KRT78: variants seen among roughly 807,000 people sequenced by gnomAD.
KRT78 encodes keratin, type II cytoskeletal 78.
In KRT78, 55 loss-of-function variants were observed where a neutral mutation model predicts 51.4. That is an observed-to-expected ratio of 1.07 (90% CI 0.86 to 1.34). The LOEUF (loss-of-function observed/expected upper bound fraction) is 1.34. Among genes scored for constraint, KRT78 ranks in the 40% most tolerant of loss-of-function variants. The probability of loss-of-function intolerance (pLI) is 0.00; values close to 1 mark genes in which losing one functional copy is unlikely to be tolerated. For synonymous variants in KRT78, 291 were observed against 264.3 expected, an observed-to-expected ratio of 1.10 and a Z score of -0.98; for missense variants, 652 against 649.4, an observed-to-expected ratio of 1.00 and a Z score of -0.04.
rs367893585 is a variant in KRT78 at position 52,848,738 on chromosome 12, G to A, written c.193C>T (p.Arg65Trp). ...GGCCCACCACTCCACTCCCCAAACC[G>A]CACCCCCAGCCTACCCCCTGACCCC... ...TWGSGGRLGV[R>W]FGEWSGGPGL... Residue 65 changes from arginine to tryptophan, a missense_variant, in exon 1 of 9, where the codon CGG becomes TGG. By Grantham distance (101) the Arg-to-Trp change is moderately radical. Coordinates refer to ENST00000304620, the MANE Select transcript of KRT78 (RefSeq NM_173352.4). The A allele has an allele frequency of 5.6e-5, 90 of 1,598,272 alleles. No individual in the cohort carries two copies. In the Middle Eastern group the frequency reaches 2.3e-3, roughly 41 times the overall value.
At chr12:52,847,278 G>A (rs1940664675) in intron 2 of KRT78, among the ~76,000 whole-genome samples, 1 of 152,108 alleles carries the variant, frequency 6.6e-6, no homozygotes, top group African/African-American at 2.4e-5. Context: ...AGGCCAGAAG[G>A]GCAGGTGACA....
chr12:52,847,690 A>G (rs1041528623), intron 2 of KRT78, among the ~76,000 whole-genome samples: 6 of 152,082 alleles, frequency 3.9e-5, no homozygotes, highest in African/African-American at 1.4e-4. Context: ...CTTTCCTCCA[A>G]GGTTCTCCAG....
intron 6 of KRT78, among the ~76,000 whole-genome samples, chr12:52,843,612 C>T (rs1940565676): frequency 6.7e-6 from 1 of 148,218 alleles, no homozygotes; most frequent in East Asian, 2.1e-4. Flanking sequence ...ATCCCTTGAA[C>T]CCGGAGGCAG....
chr12:52,845,062 C>T (rs563310698), intron 4 of KRT78, among the ~76,000 whole-genome samples: 1 of 151,018 alleles, frequency 6.6e-6, no homozygotes, highest in Non-Finnish European at 1.5e-5. Flanking sequence ...GTTGCCCAGG[C>T]TGGAGTGCAG....
At chr12:52,843,700 A>G (rs113397246) in intron 6 of KRT78, among the ~76,000 whole-genome samples, 76 of 148,988 alleles carry the variant, frequency 5.1e-4, no homozygotes, top group African/African-American at 1.3e-3. Context: ...AAAAAAAAAA[A>G]AAAAAGAAAA....
chr12:52,848,361 A>G (rs778431113), intron 1 of KRT78, 186 bp downstream of exon 1: 79 of 1,423,244 alleles, frequency 5.6e-5, no homozygotes, highest in Admixed American at 2.1e-4. Flanking sequence ...CTGAGCCCCA[A>G]TCATGGAACA....
intron 6 of KRT78, among the ~76,000 whole-genome samples, chr12:52,842,959 G>GAGAGAAAGGA (rs1299063277): frequency 3.7e-5 from 2 of 53,722 alleles, no homozygotes; most frequent in African/African-American, 1.2e-4. Context: ...GAGAGAGAGA[G>GAGAGAAAGGA]AGGAAGGAAG....
chr12:52,839,941 CCACG>C lies in KRT78; in HGVS notation c.1087_1090del (p.Arg363GlyfsTer19). On this transcript the variant is annotated frameshift_variant, in exon 7 of 9. Transcript: ENST00000304620. LOFTEE classifies it high-confidence loss of function. ...CTGAGCGTCCTTGAGGGCCAGCTCC[CCACG>C]CTGCTCAGCATCAGTGATGGCGGCC... The C allele has an allele frequency of 6.2e-7, 1 of 1,614,046 alleles. No homozygotes were observed. The highest frequency in any genetic ancestry group is 8.5e-7 in the Non-Finnish European group (1 of 1,179,980).
chr12:52,841,617 T>C (rs1184635268), intron 6 of KRT78, among the ~76,000 whole-genome samples: 1 of 152,186 alleles, frequency 6.6e-6, no homozygotes, highest in Non-Finnish European at 1.5e-5. Context: ...AGGAATTGTC[T>C]AAAGGCTGTT....
At position 52,848,083 on chromosome 12, in the gene KRT78, C is replaced by T. The variant is rs116002883; in HGVS notation, c.423G>A (p.Thr141=). Residue 141 remains threonine (T), a synonymous_variant, in exon 2 of 9, where the codon ACG becomes ACA. Coordinates refer to ENST00000304620, the MANE Select transcript of KRT78 (RefSeq NM_173352.4). ...CCTGTTGCTGCAGCAGATGCCACTTCGTCTCCAGGACCTTGTTCTGCTGCT... is the reference window on the plus strand; with the variant it reads ...CCTGTTGCTGCAGCAGATGCCACTTTGTCTCCAGGACCTTGTTCTGCTGCT... ...FLEQQNKVLE[T]KWHLLQQQGL... The T allele has an allele frequency of 1.3e-5, 21 of 1,614,164 alleles. No homozygotes were observed. In the African/African-American group the frequency reaches 1.9e-4, roughly 14 times the overall value.
intron 1 of KRT78, 193 bp from the exon 2 acceptor site, chr12:52,848,314 C>A (rs1409624816): frequency 1.3e-6 from 2 of 1,515,420 alleles, no homozygotes; most frequent in African/African-American, 1.4e-5. Flanking sequence ...ACTAATGGGG[C>A]AGGGCCTTCC....
intron 6 of KRT78, among the ~76,000 whole-genome samples, chr12:52,842,056 G>C (rs571295166): frequency 6.6e-6 from 1 of 152,298 alleles, no homozygotes; most frequent in South Asian, 2.1e-4. Flanking sequence ...CCAAAGCAAG[G>C]GGTCCAAATT....
chr12:52,846,616 ATG>A (rs1940648727), intron 3 of KRT78, 146 bp downstream of exon 3: 2 of 755,950 alleles, frequency 2.6e-6, no homozygotes, highest in Admixed American at 4.8e-5. Context: ...GTCTAGGCAG[ATG>A]TCCCATTTTC....
At position 52,838,180 on chromosome 12, in the gene KRT78, C is replaced by T. The variant is rs72648103; in HGVS notation, c.*933G>A. 0.041 allele frequency: 6,249 copies of T among 152,394 alleles called. 238 individuals carry two copies. Among genetic ancestry groups the T allele is most frequent in the East Asian group, 0.11 (591 of 5,176 alleles). 9.4% of individuals were successfully genotyped at this position (152,394 alleles called of 1,614,324 possible). On this transcript the variant is annotated 3_prime_UTR_variant, in exon 9 of 9. Coordinates refer to ENST00000304620, the MANE Select transcript of KRT78 (RefSeq NM_173352.4). ...GTTTGGGGTTGAGCCAGGTCCCCCA[C>T]CTGGGTCTGGAAAGCGAGAATGGGG...
chr12:52,844,265 C>T, intron 5 of KRT78, 47 bp from the exon 6 acceptor site: 1 of 1,542,506 alleles, frequency 6.5e-7, no homozygotes, highest in Non-Finnish European at 8.7e-7. Flanking sequence ...GGACTGCCAC[C>T]TTTGACCATC....
At position 52,848,612 on chromosome 12, in the gene KRT78, C is replaced by A. The variant is rs1410757207; in HGVS notation, c.319G>T (p.Val107Leu). 6.2e-7 allele frequency: 1 copy of A among 1,614,092 alleles called. No homozygotes were observed. The highest frequency in any genetic ancestry group is 8.5e-7 in the Non-Finnish European group (1 of 1,179,992). ...KIEIDPQFQV[V>L]RTQETQEIRT... ...ATCTCCTGGGTCTCCTGCGTCCGCA[C>A]CACCTGGAACTGGGGATCGATCTCA... Residue 107 changes from valine (V) to leucine (L), a missense_variant, in exon 1 of 9, where the codon GTG (valine) becomes TTG (leucine). By Grantham distance (32) the Val-to-Leu change is conservative (BLOSUM62 1). Coordinates refer to ENST00000304620, the MANE Select transcript of KRT78 (RefSeq NM_173352.4).
Position 52,839,953 on chromosome 12 carries a change from G to A in KRT78, c.1079C>T (p.Ala360Val), listed in dbSNP as rs1421902073. 3 of 1,613,516 alleles carry A rather than the reference G, an allele frequency of 1.9e-6. No homozygotes were observed. The highest frequency in any genetic ancestry group is 3.3e-5 in the Admixed American group (2 of 60,014). Residue 360 changes from alanine (A) to valine (V), a missense_variant, in exon 7 of 9, where the codon GCT becomes GTT. By Grantham distance (64) the Ala-to-Val change is moderately conservative. Transcript: ENST00000304620. ...NASLQAAITDAEQRGELALKD... is the reference protein window; with the variant it reads ...NASLQAAITDVEQRGELALKD... ...GAGGGCCAGCTCCCCACGCTGCTCA[G>A]CATCAGTGATGGCGGCCTGCAGGCT...
intron 4 of KRT78, chr12:52,845,963 A>G (rs893643285): frequency 6.5e-5 from 34 of 522,400 alleles, no homozygotes; most frequent in Middle Eastern, 5.1e-4. Flanking sequence ...AAAAAAAAAA[A>G]AAAGCAATTT....
intron 6 of KRT78, among the ~76,000 whole-genome samples, chr12:52,841,989 T>C (rs957441012): frequency 3.3e-5 from 5 of 152,190 alleles, no homozygotes; most frequent in Non-Finnish European, 7.3e-5. Context: ...AGATTCTGAC[T>C]CCTCAGCTCT....
Sources: gnomAD v4.1 joint callset for allele counts (sites outside exome capture counted in the v4.1 genomes callset) on GRCh38, gnomAD v4.1.1 for gene constraint, MANE v1.5 for transcripts, NCBI Gene and HGNC (gene_info 2026-07-23, HGNC 2026-07-21) for gene names.